FGF5: variants seen among roughly 807,000 people sequenced by gnomAD.
The protein encoded by FGF5 is heparin-binding growth factor 5.
In FGF5, 23 loss-of-function variants were observed where a neutral mutation model predicts 21.8. That is an observed-to-expected ratio of 1.05 (90% CI 0.76 to 1.49). FGF5 has a LOEUF of 1.49. Ranked by LOEUF, FGF5 falls within the 40% of genes most tolerant of loss-of-function variation. The pLI is 0.00. For missense variants in FGF5, 352 were observed against 332.9 expected, an observed-to-expected ratio of 1.06 and a Z score of -0.45; for synonymous variants, 158 against 124.0, an observed-to-expected ratio of 1.27 and a Z score of -1.82.
intron 2 of FGF5, among the ~76,000 whole-genome samples, chr4:80,282,148 G>C (rs1338739910): frequency 1.3e-5 from 2 of 152,056 alleles, no homozygotes; most frequent in Admixed American, 1.3e-4. Context: ...TTTTAGTACA[G>C]ACAGGGTTTC....
intron 2 of FGF5, 81 bp from the exon 3 acceptor site, chr4:80,286,244 T>C: frequency 6.2e-6 from 6 of 963,128 alleles, no homozygotes; most frequent in Admixed American, 4.9e-5. Flanking sequence ...TTATTGTTTT[T>C]TTTTCTACAA....
chr4:80,270,828 T>C (rs944517564), intron 1 of FGF5, among the ~76,000 whole-genome samples: 2 of 152,364 alleles, frequency 1.3e-5, no homozygotes, highest in South Asian at 2.1e-4. Flanking sequence ...GAATCGTCGA[T>C]GTTACTGCTT....
At chr4:80,271,405 T>C (rs1404048045) in intron 1 of FGF5, among the ~76,000 whole-genome samples, 2 of 150,750 alleles carry the variant, frequency 1.3e-5, no homozygotes, top group African/African-American at 4.9e-5. Flanking sequence ...AAGAGAATAA[T>C]TCCTTCTGTT....
At chr4:80,266,645 G>A, upstream of FGF5, 5 of 591,200 alleles carry the variant, frequency 8.5e-6, no homozygotes, top group Admixed American at 1.6e-4. Flanking sequence ...TAAATATCCC[G>A]GTGCCAGCGC....
At position 80,267,093 on chromosome 4, in the gene FGF5, G is replaced by T. The variant is rs1720118080; in HGVS notation, c.269G>T (p.Ser90Ile). ...AGCCCCTCGGGGCGCCGGACCGGCAGCCTCTACTGCAGAGTGGGCATCGGT... is the reference window on the plus strand; with the variant it reads ...AGCCCCTCGGGGCGCCGGACCGGCATCCTCTACTGCAGAGTGGGCATCGGT... ...QWSPSGRRTG[S>I]LYCRVGIGFH... Residue 90 changes from serine to isoleucine, a missense_variant, in exon 1 of 3, where the codon AGC (serine) becomes ATC (isoleucine). By Grantham distance (142) the Ser-to-Ile change is moderately radical (BLOSUM62 -2). Coordinates refer to ENST00000312465, the MANE Select transcript of FGF5 (RefSeq NM_004464.4). The T allele has an allele frequency of 1.2e-6, 2 of 1,614,128 alleles. No individual in the cohort carries two copies. Among genetic ancestry groups the T allele is most frequent in the African/African-American group, 2.7e-5 (2 of 74,948 alleles).
At chr4:80,275,469 G>A (rs1043107408) in intron 2 of FGF5, among the ~76,000 whole-genome samples, 1 of 151,766 alleles carries the variant, frequency 6.6e-6, no homozygotes, top group African/African-American at 2.4e-5. Flanking sequence ...AACAAGCAGG[G>A]AGGGAAAAAA....
At chr4:80,273,362 A>T (rs892939848) in intron 1 of FGF5, among the ~76,000 whole-genome samples, 1 of 152,100 alleles carries the variant, frequency 6.6e-6, no homozygotes. Flanking sequence ...TTTCACATAA[A>T]CTTTCTAATC....
intron 1 of FGF5, among the ~76,000 whole-genome samples, chr4:80,272,602 A>T (rs17532011): frequency 6.6e-6 from 1 of 152,130 alleles, no homozygotes; most frequent in Non-Finnish European, 1.5e-5. Flanking sequence ...ACATACACTT[A>T]TGAGACTTTA....
chr4:80,268,746 C>T lies in FGF5; in HGVS notation c.355+1567C>T, dbSNP rs367763359. ...CACGTGGTGAGGGCGCCTGGAGCGC[C>T]CAGCTGGAGAGAGGGCCCTCCGCAC... On this transcript the variant is annotated intron_variant, in intron 1 of 2. Transcript: ENST00000312465. 4.9e-4 allele frequency among the ~76,000 whole-genome samples: 75 copies of T among 152,348 alleles called. 1 individual carries two copies. The highest frequency in any genetic ancestry group is 1.8e-3 in the African/African-American group (75 of 41,586).
rs1720723874 is a variant in FGF5 at position 80,286,466 on chromosome 4, G to A, written c.601G>A (p.Gly201Arg). 5 of 1,614,018 alleles carry A rather than the reference G, an allele frequency of 3.1e-6. No individual in the cohort carries two copies. In the East Asian group the frequency reaches 1.1e-4, roughly 36 times the overall value. The change falls in exon 3 of 3, where the codon GGG becomes AGG. Residue 201 changes from glycine (G) to arginine (R), a missense_variant. By Grantham distance (125) the Gly-to-Arg change is moderately radical. Transcript: ENST00000312465. ...ALNKRGKAKR[G>R]CSPRVKPQHI... is the part of the protein sequence containing the mutation. Reference sequence around the variant, plus strand: ...GAATAAAAGAGGAAAAGCCAAACGAGGGTGCAGCCCCCGGGTTAAACCCCA... The same window carrying A: ...GAATAAAAGAGGAAAAGCCAAACGAAGGTGCAGCCCCCGGGTTAAACCCCA...
chr4:80,269,801 TC>T (rs994693406), intron 1 of FGF5, among the ~76,000 whole-genome samples: 1 of 151,854 alleles, frequency 6.6e-6, no homozygotes, highest in African/African-American at 2.4e-5. Context: ...TTTTTTTTTT[TC>T]CCCAGAAGAA....
At chr4:80,274,839 T>C (rs1720365390) in intron 1 of FGF5, 70 bp from the exon 2 acceptor site, 7 of 711,742 alleles carry the variant, frequency 9.8e-6, no homozygotes, top group African/African-American at 5.6e-5. Context: ...AGAATCTATG[T>C]AGAAATTTAA....
At chr4:80,275,258 T>C (rs1413502165) in intron 2 of FGF5, among the ~76,000 whole-genome samples, 1 of 152,008 alleles carries the variant, frequency 6.6e-6, no homozygotes, top group East Asian at 1.9e-4. Flanking sequence ...GAAAACAGCA[T>C]TCTCAAAGGG....
intron 1 of FGF5, among the ~76,000 whole-genome samples, chr4:80,271,526 C>CCCGT (rs1296718139): frequency 1.3e-5 from 2 of 152,086 alleles, no homozygotes; most frequent in Non-Finnish European, 2.9e-5. Context: ...ACCCGTCCAC[C>CCCGT]CCGTGCCTTC....
chr4:80,268,389 T>G (rs772948318), intron 1 of FGF5: 39 of 635,378 alleles, frequency 6.1e-5, no homozygotes, highest in Non-Finnish European at 7.6e-5. Flanking sequence ...CACAGTCACC[T>G]GGTTTCAGTG....
chr4:80,282,671 ATGG>A (rs891915582), intron 2 of FGF5, among the ~76,000 whole-genome samples: 1 of 152,182 alleles, frequency 6.6e-6, no homozygotes, highest in Admixed American at 6.5e-5. Context: ...GTAGTGGCTG[ATGG>A]TGGTAAGGCA....
At chr4:80,282,693 A>T (rs1374311702) in intron 2 of FGF5, among the ~76,000 whole-genome samples, 2 of 152,146 alleles carry the variant, frequency 1.3e-5, no homozygotes. Context: ...CAATTAGATG[A>T]AGGAGTCTTG....
intron 2 of FGF5, among the ~76,000 whole-genome samples, chr4:80,284,394 A>T (rs533879155): frequency 3.9e-5 from 6 of 152,304 alleles, no homozygotes; most frequent in Admixed American, 2.0e-4. Flanking sequence ...AGATAATGCC[A>T]CTGCACTCCA....
Position 80,266,783 on chromosome 4 carries a change from T to A in FGF5, c.-42T>A. 1 of 1,485,398 alleles carries A rather than the reference T, an allele frequency of 6.7e-7. No homozygotes were observed. The highest frequency in any genetic ancestry group is 9.0e-7 in the Non-Finnish European group (1 of 1,105,766). The allele number at this position is 1,485,398 out of a possible 1,614,324, so 92.0% of individuals were successfully genotyped here. ...CGCACAGGGGCTACAGAGCCCAGAA[T>A]CAGCCCTACAAGATGCACTTAGGAC... On this transcript the variant is annotated 5_prime_UTR_variant, in exon 1 of 3. Transcript: ENST00000312465.
Sources: allele counts gnomAD v4.1 joint callset (sites outside exome capture counted in the v4.1 genomes callset), GRCh38; gene constraint gnomAD v4.1.1; transcripts MANE v1.5; gene names NCBI Gene and HGNC (gene_info 2026-07-23, HGNC 2026-07-21).